The following SLC6A5 variants were observed in gnomAD, a reference collection of about 807,000 sequenced individuals.
The protein encoded by SLC6A5 is solute carrier family 6 member 5.
Under a neutral mutation model 90.5 loss-of-function variants are expected in SLC6A5, and 58 were observed. That is an observed-to-expected ratio of 0.64 (90% CI 0.52 to 0.80). SLC6A5 has a LOEUF of 0.80. SLC6A5 is among the 30% of genes least tolerant of loss of function. The pLI is 0.00. For missense variants in SLC6A5, 1,015 were observed against 1,017.6 expected (o/e 1.00, Z 0.03); for synonymous variants, 427 against 401.4 (o/e 1.06, Z -0.76).
chr11:20,608,924 C>CTG lies in SLC6A5; in HGVS notation c.985+1273_985+1274insGT, dbSNP rs1477047736. Among the ~76,000 whole-genome samples, 284 of 29,314 alleles carry CTG rather than the reference C, an allele frequency of 9.7e-3. 2 individuals carry two copies. The highest frequency in any genetic ancestry group is 0.014 in the African/African-American group (75 of 5,260). The allele number at this position is 29,314 out of a possible 152,430, so 19.2% of individuals were successfully genotyped here. A position where few individuals can be genotyped will look rare whatever the true frequency, so the allele number is the denominator to read the frequency against. On this transcript the variant is annotated intron_variant, in intron 5 of 15. Transcript: ENST00000525748. Reference sequence around the variant, plus strand: ...TCTCTCTCTCTGTCTGTCTGTCTGTCTCTCTCTCTCTCTCTCTCTCTCTCT... The same window carrying CTG: ...TCTCTCTCTCTGTCTGTCTGTCTGTCTGTCTCTCTCTCTCTCTCTCTCTCTCT...
In SLC6A5 at chr11:20,636,488, G is replaced by T. The variant is rs1394073274; in HGVS notation, c.1737+69G>T. Reference sequence around the variant, plus strand: ...AGACTCCCCCTCTCCTGGGTCCTGGGTTCACCCTTCAGGAGAGGGGTAGGC... The same window carrying T: ...AGACTCCCCCTCTCCTGGGTCCTGGTTTCACCCTTCAGGAGAGGGGTAGGC... On this transcript the variant is annotated intron_variant, in intron 11 of 15. Coordinates refer to ENST00000525748, the MANE Select transcript of SLC6A5 (RefSeq NM_004211.5). 9.0e-6 allele frequency: 9 copies of T among 998,476 alleles called. No individual in the cohort carries two copies. In the East Asian group the frequency reaches 2.1e-4, roughly 24 times the overall value. 61.9% of individuals were successfully genotyped at this position (998,476 alleles called of 1,614,324 possible). A position where few individuals can be genotyped will look rare whatever the true frequency, so the allele number is the denominator to read the frequency against.
At chr11:20,642,118 A>G (rs1327585627) in intron 13 of SLC6A5, among the ~76,000 whole-genome samples, 3 of 151,696 alleles carry the variant, frequency 2.0e-5, no homozygotes, top group South Asian at 4.2e-4. Context: ...ATGAAAATAT[A>G]GAGTCACTTG....
rs1484069899 is a variant in SLC6A5 at position 20,614,680 on chromosome 11, T to G, written c.987T>G (p.Asp329Glu). ...TCTATTCTGTCCTCTCCTAAACAGATTCCTGTGTTATCAGTGACCATCCCA... is the reference window on the plus strand; with the variant it reads ...TCTATTCTGTCCTCTCCTAAACAGAGTCCTGTGTTATCAGTGACCATCCCA... ...ECKDKTKLLL[D>E]SCVISDHPKI... The change falls in exon 6 of 16, where the codon GAT becomes GAG. Residue 329 changes from aspartate (D) to glutamate (E), a missense_variant and splice_region_variant. Asp to Glu is a conservative substitution (Grantham distance 45, BLOSUM62 2). Around this residue, in one of 3 missense-constraint regions of SLC6A5, gnomAD observed 567 missense variants for 507.3 expected, o/e 1.12. Coordinates refer to ENST00000525748, the MANE Select transcript of SLC6A5 (RefSeq NM_004211.5). 1 of 1,613,470 alleles carries G rather than the reference T, an allele frequency of 6.2e-7. No homozygotes were observed. Among genetic ancestry groups the G allele is most frequent in the Non-Finnish European group, 8.5e-7 (1 of 1,179,460 alleles).
At chr11:20,603,430 G>A (rs1204584541) in intron 2 of SLC6A5, among the ~76,000 whole-genome samples, 2 of 152,184 alleles carry the variant, frequency 1.3e-5, no homozygotes, top group Non-Finnish European at 2.9e-5. Context: ...GACTGCTGGA[G>A]CTGGCAAGGG....
chr11:20,638,064 A>G (rs986176986), intron 12 of SLC6A5, among the ~76,000 whole-genome samples: 4 of 152,214 alleles, frequency 2.6e-5, no homozygotes, highest in African/African-American at 9.6e-5. Context: ...ACCCAGAGAC[A>G]CCTAAAGGTC....
chr11:20,603,500 G>A (rs1852517520), intron 2 of SLC6A5, among the ~76,000 whole-genome samples: 1 of 152,226 alleles, frequency 6.6e-6, no homozygotes, highest in South Asian at 2.1e-4. Context: ...TTCAGAGAGA[G>A]CAAGTGGCTT....
chr11:20,626,659 C>A, intron 7 of SLC6A5, 49 bp from the exon 8 acceptor site: 1 of 1,601,440 alleles, frequency 6.2e-7, no homozygotes, highest in Non-Finnish European at 8.6e-7. Flanking sequence ...TGCACAGGTG[C>A]ACTCTGCAGG....
rs1852608530 is a variant in SLC6A5 at position 20,607,561 on chromosome 11, G to A, written c.894G>A (p.Leu298=). ...NVIICYTLFY[L]FASFVSVLPW... is the part of the protein sequence containing the mutation. ...TTATTTGCTATACACTTTTCTACCTGTTTGCCTCCTTTGTGTCTGTACTAC... is the reference window on the plus strand; with the variant it reads ...TTATTTGCTATACACTTTTCTACCTATTTGCCTCCTTTGTGTCTGTACTAC... Residue 298 remains leucine (L), a synonymous_variant, in exon 5 of 16, where the codon CTG becomes CTA. Transcript: ENST00000525748. The A allele has an allele frequency of 6.2e-7, 1 of 1,614,038 alleles. No individual in the cohort carries two copies. The highest frequency in any genetic ancestry group is 8.5e-7 in the Non-Finnish European group (1 of 1,179,934).
At chr11:20,599,850 G>T (rs935205784) in intron 1 of SLC6A5, among the ~76,000 whole-genome samples, 175 bp downstream of exon 1, 2 of 152,152 alleles carry the variant, frequency 1.3e-5, no homozygotes, top group Admixed American at 6.5e-5. Context: ...GTCACCTGAG[G>T]TCGCAAAGAG....
intron 9 of SLC6A5, among the ~76,000 whole-genome samples, chr11:20,629,713 C>G (rs1161523052): frequency 1.3e-5 from 2 of 150,756 alleles, no homozygotes; most frequent in Non-Finnish European, 2.9e-5. Flanking sequence ...ATAGTCATCT[C>G]ATAGTGCTGT....
chr11:20,636,224 C>T lies in SLC6A5; in HGVS notation c.1625-83C>T, dbSNP rs143638352. 11 of 814,168 alleles carry T rather than the reference C, an allele frequency of 1.4e-5. No homozygotes were observed. The African/African-American group carries it at 1.5e-4, about 11-fold the overall frequency. The allele number at this position is 814,168 out of a possible 1,614,324, so 50.4% of individuals were successfully genotyped here. A position where few individuals can be genotyped will look rare whatever the true frequency, so the allele number is the denominator to read the frequency against. ...TATAAGAAGTAATAAATGAGGATCT[C>T]AGCAGAGAGAAGGCCCTCTGGGCTC... is the stretch of plus-strand genomic sequence containing the variant. On this transcript the variant is annotated intron_variant, in intron 10 of 15. Coordinates refer to ENST00000525748, the MANE Select transcript of SLC6A5 (RefSeq NM_004211.5).
chr11:20,658,203 T>A lies in SLC6A5; in HGVS notation c.*3335T>A, dbSNP rs766598397. The A allele has an allele frequency of 2.6e-5, 4 of 152,218 alleles. No homozygotes were observed. The highest frequency in any genetic ancestry group is 4.4e-5 in the Non-Finnish European group (3 of 68,050). The allele number at this position is 152,218 out of a possible 1,614,324, so 9.4% of individuals were successfully genotyped here. A position where few individuals can be genotyped will look rare whatever the true frequency, so the allele number is the denominator to read the frequency against. On this transcript the variant is annotated 3_prime_UTR_variant, in exon 16 of 16. Coordinates refer to ENST00000525748, the MANE Select transcript of SLC6A5 (RefSeq NM_004211.5). ...TGTCTCTCAGTGCTTCCTGTCCACCTTTGCTCTCAGCATGGTTTCCCATGC... is the reference window on the plus strand; with the variant it reads ...TGTCTCTCAGTGCTTCCTGTCCACCATTGCTCTCAGCATGGTTTCCCATGC...
intron 7 of SLC6A5, among the ~76,000 whole-genome samples, chr11:20,623,962 A>C (rs1424391253): frequency 6.6e-6 from 1 of 151,790 alleles, no homozygotes; most frequent in Non-Finnish European, 1.5e-5. Context: ...AATACTTATC[A>C]CGATTATTGT....
intron 5 of SLC6A5, among the ~76,000 whole-genome samples, chr11:20,610,101 TG>T (rs1459291037): frequency 1.3e-5 from 2 of 152,262 alleles, no homozygotes; most frequent in Non-Finnish European, 2.9e-5. Flanking sequence ...CTTTTCTCCC[TG>T]GTCTTTCATG....
chr11:20,607,172 C>G (rs1852599953), intron 4 of SLC6A5, 34 bp downstream of exon 4: 1 of 1,581,204 alleles, frequency 6.3e-7, no homozygotes, highest in African/African-American at 1.3e-5. Context: ...CTCCTCAGGC[C>G]CTTTCTTACT....
At chr11:20,609,384 G>C (rs1852652495) in intron 5 of SLC6A5, among the ~76,000 whole-genome samples, 2 of 151,892 alleles carry the variant, frequency 1.3e-5, no homozygotes, top group African/African-American at 4.8e-5. Context: ...GCACATGAGT[G>C]TGTTCTGTTC....
At chr11:20,617,325 T>A (rs1208436709) in intron 6 of SLC6A5, among the ~76,000 whole-genome samples, 1 of 152,238 alleles carries the variant, frequency 6.6e-6, no homozygotes, top group African/African-American at 2.4e-5. Flanking sequence ...TACTAATTTT[T>A]AAAATTAAAA....
intron 8 of SLC6A5, among the ~76,000 whole-genome samples, 184 bp downstream of exon 8, chr11:20,627,026 G>C (rs1158253927): frequency 6.6e-6 from 1 of 152,168 alleles, no homozygotes; most frequent in Non-Finnish European, 1.5e-5. Context: ...AGGGTTTTTA[G>C]ATTCCTGGAA....
At chr11:20,634,395 T>C (rs1166295100) in intron 10 of SLC6A5, among the ~76,000 whole-genome samples, 1 of 152,210 alleles carries the variant, frequency 6.6e-6, no homozygotes, top group Non-Finnish European at 1.5e-5. Flanking sequence ...ACCTGGGTGC[T>C]TTAGGGAGGC....
Sources: gnomAD v4.1 joint callset for allele counts (sites outside exome capture counted in the v4.1 genomes callset) on GRCh38, gnomAD v4.1.1 for gene constraint, gnomAD v4.1.1 regional missense constraint, MANE v1.5 for transcripts, NCBI Gene and HGNC (gene_info 2026-07-23, HGNC 2026-07-21) for gene names.